The following POMP variants were observed in gnomAD, a reference collection of about 807,000 sequenced individuals.
POMP encodes the protein 2510048O06Rik.
POMP carries 12 observed loss-of-function variants against 20.6 expected under a neutral mutation model. The ratio of observed to expected loss-of-function variants is 0.58; its 90% CI spans 0.37 to 0.94. The LOEUF (loss-of-function observed/expected upper bound fraction) is 0.94. Among genes scored for constraint, POMP ranks in the 40% least tolerant of loss-of-function variants. The probability of loss-of-function intolerance (pLI) is 0.01; values close to 1 mark genes in which losing one functional copy is unlikely to be tolerated. For synonymous variants in POMP, 53 were observed against 55.0 expected (o/e 0.96, Z 0.16); for missense variants, 136 against 161.1 (o/e 0.84, Z 0.84).
intron 5 of POMP, among the ~76,000 whole-genome samples, chr13:28,673,246 T>G (rs925919322): frequency 1.3e-5 from 2 of 152,042 alleles, no homozygotes; most frequent in East Asian, 3.9e-4. Context: ...AATTTTTGTA[T>G]TTTTAGTAGA....
chr13:28,670,271 C>T (rs1171900612), intron 4 of POMP, among the ~76,000 whole-genome samples: 1 of 152,160 alleles, frequency 6.6e-6, no homozygotes, highest in African/African-American at 2.4e-5. Flanking sequence ...CCCACATACT[C>T]CTTATCCCAT....
Position 28,659,160 on chromosome 13 carries a change from G to T in POMP, c.-25G>T. The T allele has an allele frequency of 1.3e-6, 2 of 1,582,494 alleles. No homozygotes were observed. The highest frequency in any genetic ancestry group is 1.7e-6 in the Non-Finnish European group (2 of 1,165,148). On this transcript the variant is annotated 5_prime_UTR_variant, in exon 1 of 6. Transcript: ENST00000380842. ...GGTCGACTGACGGTAACGGGGCAGA[G>T]AGGCTGTTCGCAGAGCTGCGGAAGA... is the stretch of plus-strand genomic sequence containing the variant.
At chr13:28,673,497 C>T (rs1415829645) in intron 5 of POMP, among the ~76,000 whole-genome samples, 1 of 152,218 alleles carries the variant, frequency 6.6e-6, no homozygotes, top group East Asian at 1.9e-4. Flanking sequence ...TCCAATGCTG[C>T]CTCTGCTCGT....
chr13:28,677,758 A>G (rs1169540363), intron 5 of POMP, among the ~76,000 whole-genome samples: 1 of 152,206 alleles, frequency 6.6e-6, no homozygotes, highest in Non-Finnish European at 1.5e-5. Flanking sequence ...ATTGACATAC[A>G]ATAAAGTACA....
chr13:28,678,358 A>C lies in POMP; in HGVS notation c.*256A>C, dbSNP rs898389707. The C allele has an allele frequency of 2.3e-6, 1 of 433,298 alleles. No homozygotes were observed. The highest frequency in any genetic ancestry group is 2.0e-5 in the African/African-American group (1 of 50,080). 26.8% of individuals were successfully genotyped at this position (433,298 alleles called of 1,614,324 possible). ...GTCTTTAAAAAAGTTGTTGCTCATGAATATTATAAAATGATCTACAGGTTT... is the reference window on the plus strand; with the variant it reads ...GTCTTTAAAAAAGTTGTTGCTCATGCATATTATAAAATGATCTACAGGTTT... On this transcript the variant is annotated 3_prime_UTR_variant, in exon 6 of 6. Coordinates refer to ENST00000380842, the MANE Select transcript of POMP (RefSeq NM_015932.6).
chr13:28,672,261 A>G (rs1884561060), intron 4 of POMP, 78 bp from the exon 5 acceptor site: 3 of 1,143,238 alleles, frequency 2.6e-6, no homozygotes, highest in Non-Finnish European at 2.7e-6. Flanking sequence ...AGAATAAAGA[A>G]CATGAAATTA....
intron 5 of POMP, among the ~76,000 whole-genome samples, chr13:28,673,263 G>T (rs1217143168): frequency 1.3e-5 from 2 of 151,952 alleles, no homozygotes; most frequent in African/African-American, 4.8e-5. Flanking sequence ...TAGAGACGGG[G>T]TTTTACCATG....
At chr13:28,668,664 T>G in intron 4 of POMP, 90 bp downstream of exon 4, 1 of 992,382 alleles carries the variant, frequency 1.0e-6, no homozygotes, top group Non-Finnish European at 1.6e-6. Context: ...CTTATCTACC[T>G]TACAACCTAT....
At chr13:28,669,004 C>T (rs1008898597) in intron 4 of POMP, among the ~76,000 whole-genome samples, 1 of 152,076 alleles carries the variant, frequency 6.6e-6, no homozygotes, top group Non-Finnish European at 1.5e-5. Context: ...TACATTACTT[C>T]AGGAAAATCC....
chr13:28,676,075 GCT>G (rs1884622661), intron 5 of POMP, among the ~76,000 whole-genome samples: 1 of 152,000 alleles, frequency 6.6e-6, no homozygotes, highest in African/African-American at 2.4e-5. Flanking sequence ...CGCGATCTCT[GCT>G]CACTGCAAGC....
chr13:28,663,485 T>G (rs1262596671), intron 2 of POMP, among the ~76,000 whole-genome samples: 1 of 152,152 alleles, frequency 6.6e-6, no homozygotes, highest in Non-Finnish European at 1.5e-5. Context: ...TAATTTTGTA[T>G]TTTTAGTAGA....
Position 28,668,536 on chromosome 13 carries a change from C to T in POMP, c.226C>T (p.Pro76Ser), listed in dbSNP as rs772222545. The T allele has an allele frequency of 3.1e-6, 5 of 1,612,768 alleles. No individual in the cohort carries two copies. In the Admixed American group the frequency reaches 6.7e-5, roughly 22 times the overall value. Residue 76 changes from proline (P) to serine (S), a missense_variant, in exon 4 of 6, where the codon CCG becomes TCG. Physicochemically the swap from Pro to Ser is moderately conservative, Grantham distance 74 (BLOSUM62 -1). Coordinates refer to ENST00000380842, the MANE Select transcript of POMP (RefSeq NM_015932.6). ...GAGAAACATTCAGGGTCTATTTGCT[C>T]CGCTAAAATTACAGATGGAATTCAA... ...TLRNIQGLFA[P>S]LKLQMEFKAV...
intron 5 of POMP, among the ~76,000 whole-genome samples, chr13:28,673,880 A>T (rs1036768524): frequency 3.9e-4 from 59 of 152,236 alleles, no homozygotes; most frequent in Non-Finnish European, 6.9e-4. Flanking sequence ...AGCTGTGAAC[A>T]AAACAAATAT....
At chr13:28,663,948 C>T (rs1456037338) in intron 2 of POMP, among the ~76,000 whole-genome samples, 3 of 152,050 alleles carry the variant, frequency 2.0e-5, no homozygotes, top group Admixed American at 1.3e-4. Flanking sequence ...GCTTTAAAAT[C>T]CTAGTTTGGA....
At chr13:28,659,257 C>T (rs574091904) in intron 1 of POMP, 70 bp downstream of exon 1, 327 of 1,552,798 alleles carry the variant, frequency 2.1e-4, no homozygotes, top group Non-Finnish European at 2.7e-4. Flanking sequence ...AACAGGCAGT[C>T]GCCTCCCAAC....
intron 5 of POMP, among the ~76,000 whole-genome samples, chr13:28,674,195 G>C (rs1884593562): frequency 6.6e-6 from 1 of 152,260 alleles, no homozygotes; most frequent in Non-Finnish European, 1.5e-5. Flanking sequence ...GATGCTGGCA[G>C]AAGACAAGAG....
At chr13:28,676,097 C>T (rs1884623183) in intron 5 of POMP, among the ~76,000 whole-genome samples, 1 of 152,046 alleles carries the variant, frequency 6.6e-6, no homozygotes, top group Non-Finnish European at 1.5e-5. Flanking sequence ...CTCTGCCTCC[C>T]GGGTTCAAGC....
chr13:28,659,663 C>T (rs992023544), intron 1 of POMP, among the ~76,000 whole-genome samples: 2 of 152,058 alleles, frequency 1.3e-5, no homozygotes, highest in South Asian at 2.1e-4. Context: ...ATTTGTGTAA[C>T]GCAGCTTTGC....
chr13:28,674,323 T>G (rs779415360), intron 5 of POMP, among the ~76,000 whole-genome samples: 6 of 152,330 alleles, frequency 3.9e-5, no homozygotes, highest in African/African-American at 1.4e-4. Flanking sequence ...AGGTGAAGCC[T>G]TGTACATTGA....
Sources: allele counts gnomAD v4.1 joint callset (sites outside exome capture counted in the v4.1 genomes callset), GRCh38; gene constraint gnomAD v4.1.1; transcripts MANE v1.5; gene names NCBI Gene and HGNC (gene_info 2026-07-23, HGNC 2026-07-21).